PARD3: variants seen among roughly 807,000 people sequenced by gnomAD.
PARD3 encodes par-3 family cell polarity regulator, also known as partitioning defective 3 homolog.
Under a neutral mutation model 155.4 loss-of-function variants are expected in PARD3, and 75 were observed. The ratio of observed to expected loss-of-function variants is 0.48; its 90% confidence interval spans 0.40 to 0.58. PARD3 has a LOEUF of 0.58. PARD3 is among the 20% of genes least tolerant of loss of function. PARD3 has a pLI of 0.00. For synonymous variants in PARD3, 576 were observed against 610.5 expected, an observed-to-expected ratio of 0.94 and a Z score of 0.83; for missense variants, 1,642 against 1,721.7, an observed-to-expected ratio of 0.95 and a Z score of 0.82.
At chr10:34,425,191 GTCTC>G (rs1360086052) in intron 5 of PARD3, among the ~76,000 whole-genome samples, 1 of 150,930 alleles carries the variant, frequency 6.6e-6, no homozygotes, top group Non-Finnish European at 1.5e-5. Context: ...TCTCTCTTTT[GTCTC>G]TCTCTTCTCA....
chr10:34,772,194 G>A (rs1057183023), intron 1 of PARD3, among the ~76,000 whole-genome samples: 4 of 152,144 alleles, frequency 2.6e-5, no homozygotes, highest in East Asian at 3.9e-4. Context: ...AGGCTGAGGC[G>A]GGTGGATCAC....
At chr10:34,366,861 G>A (rs1039701819) in intron 12 of PARD3, among the ~76,000 whole-genome samples, 8 of 151,968 alleles carry the variant, frequency 5.3e-5, no homozygotes, top group East Asian at 1.9e-4. Context: ...AATTTATCCC[G>A]TATGTGAGAT....
chr10:34,314,728 C>G (rs148034477), intron 20 of PARD3, among the ~76,000 whole-genome samples: 2,022 of 152,276 alleles, frequency 0.013, 49 homozygotes, highest in African/African-American at 0.046. Flanking sequence ...ATAGTATTAG[C>G]CCTATGTCCA....
At chr10:34,606,111 T>TAC (rs1299163387) in intron 2 of PARD3, among the ~76,000 whole-genome samples, 7 of 148,936 alleles carry the variant, frequency 4.7e-5, no homozygotes, top group Non-Finnish European at 8.9e-5. Context: ...TTTATATATA[T>TAC]ACAGAACTAC....
At chr10:34,316,879 T>C (rs1056920080) in intron 20 of PARD3, among the ~76,000 whole-genome samples, 8 of 152,198 alleles carry the variant, frequency 5.3e-5, no homozygotes, top group African/African-American at 1.9e-4. Flanking sequence ...TTCAAATCTG[T>C]GCTTTCAGTG....
intron 2 of PARD3, among the ~76,000 whole-genome samples, chr10:34,587,047 G>T (rs748881719): frequency 1.3e-5 from 2 of 152,174 alleles, no homozygotes; most frequent in African/African-American, 2.4e-5. Flanking sequence ...ACATCCTAAT[G>T]CCCAGCATGG....
chr10:34,612,371 T>C (rs1316716709), intron 2 of PARD3, among the ~76,000 whole-genome samples: 1 of 152,140 alleles, frequency 6.6e-6, no homozygotes, highest in African/African-American at 2.4e-5. Context: ...AGAGAGAAAT[T>C]ATTCTTTAGG....
intron 22 of PARD3, among the ~76,000 whole-genome samples, chr10:34,200,012 G>A (rs641881): frequency 0.21 from 32,177 of 152,156 alleles, 4,161 homozygotes; most frequent in Non-Finnish European, 0.27. Context: ...AACATGATTG[G>A]TAAGTGAAGA....
intron 1 of PARD3, among the ~76,000 whole-genome samples, chr10:34,719,101 C>T (rs191315461): frequency 3.9e-5 from 6 of 152,162 alleles, no homozygotes; most frequent in African/African-American, 1.2e-4. Flanking sequence ...TATACTGATA[C>T]GTTGAATTGA....
chr10:34,164,558 C>G (rs1175030175), intron 22 of PARD3, among the ~76,000 whole-genome samples: 1 of 152,130 alleles, frequency 6.6e-6, no homozygotes, highest in Non-Finnish European at 1.5e-5. Flanking sequence ...CGTAAGACAA[C>G]AGAATTGTGA....
At chr10:34,691,133 G>C (rs2094052010) in intron 2 of PARD3, among the ~76,000 whole-genome samples, 1 of 152,168 alleles carries the variant, frequency 6.6e-6, no homozygotes, top group Non-Finnish European at 1.5e-5. Flanking sequence ...CACCCAAATA[G>C]GAAGAGAGGA....
At chr10:34,343,550 T>G (rs1837059212) in intron 15 of PARD3, 1 of 985,210 alleles carries the variant, frequency 1.0e-6, no homozygotes, top group South Asian at 4.7e-5. Flanking sequence ...TTCCACAAGA[T>G]TTGAAAACCC....
intron 4 of PARD3, among the ~76,000 whole-genome samples, chr10:34,450,651 A>C (rs2077007182): frequency 6.6e-6 from 1 of 152,154 alleles, no homozygotes; most frequent in South Asian, 2.1e-4. Flanking sequence ...AGGCAAGTCT[A>C]ATAATTACAG....
chr10:34,190,509 A>T (rs1950657811), intron 22 of PARD3, among the ~76,000 whole-genome samples: 1 of 152,224 alleles, frequency 6.6e-6, no homozygotes, highest in Non-Finnish European at 1.5e-5. Context: ...TATTTACCCA[A>T]ATAATAAACT....
chr10:34,597,897 G>T (rs934103183), intron 2 of PARD3, among the ~76,000 whole-genome samples: 4 of 152,136 alleles, frequency 2.6e-5, no homozygotes, highest in Non-Finnish European at 5.9e-5. Flanking sequence ...AAGAAAAGCG[G>T]ATTCTGATTT....
At chr10:34,702,515 G>A (rs1277324534) in intron 1 of PARD3, among the ~76,000 whole-genome samples, 3 of 152,176 alleles carry the variant, frequency 2.0e-5, no homozygotes, top group African/African-American at 7.2e-5. Flanking sequence ...CTCACTGCAG[G>A]CTCAGACAGC....
intron 1 of PARD3, among the ~76,000 whole-genome samples, chr10:34,785,319 T>C (rs1372759656): frequency 6.6e-6 from 1 of 152,262 alleles, no homozygotes; most frequent in African/African-American, 2.4e-5. Flanking sequence ...CACACATTTA[T>C]GCTTTTGAAA....
chr10:34,640,740 C>G (rs1172269027), intron 2 of PARD3, among the ~76,000 whole-genome samples: 3 of 50,228 alleles, frequency 6.0e-5, no homozygotes, highest in Non-Finnish European at 1.0e-4. Context: ...AAAAAAAGCA[C>G]TTTTAGGGAA....
chr10:34,150,533 C>G lies in PARD3; in HGVS notation c.3420-18950G>C, dbSNP rs190306477. Among the ~76,000 whole-genome samples, 732 of 152,224 alleles carry G rather than the reference C, an allele frequency of 4.8e-3. 7 individuals are homozygous for G. Among genetic ancestry groups the G allele is most frequent in the African/African-American group, 0.017 (693 of 41,552 alleles). ...AAGAAGCCTGGCTTGCTCATGAAGT[C>G]GGGATCTCGTGGGATGTTACAATGT... On this transcript the variant is annotated intron_variant, in intron 22 of 24. Coordinates refer to ENST00000374788, the MANE Select transcript of PARD3 (RefSeq NM_001184785.2).
Sources: gnomAD v4.1 joint callset for allele counts (sites outside exome capture counted in the v4.1 genomes callset) on GRCh38, gnomAD v4.1.1 for gene constraint, MANE v1.5 for transcripts, NCBI Gene and HGNC (gene_info 2026-07-23, HGNC 2026-07-21) for gene names.